PTPRO: variants seen among roughly 807,000 people sequenced by gnomAD.
The protein encoded by PTPRO is protein tyrosine phosphatase receptor type O.
A neutral mutation model predicts 145.2 loss-of-function variants in PTPRO; 62 were observed. The ratio of observed to expected loss-of-function variants is 0.43; its 90% CI spans 0.35 to 0.53. The LOEUF (loss-of-function observed/expected upper bound fraction) is 0.53. Ranked by LOEUF, PTPRO falls within the 20% of genes least tolerant of loss-of-function variation. The pLI is 0.01. For missense variants in PTPRO, 1,345 were observed against 1,482.7 expected, an observed-to-expected ratio of 0.91 and a Z score of 1.53; for synonymous variants, 565 against 514.7, an observed-to-expected ratio of 1.10 and a Z score of -1.32.
chr12:15,402,367 A>G (rs936491063), intron 1 of PTPRO, among the ~76,000 whole-genome samples: 3 of 151,922 alleles, frequency 2.0e-5, no homozygotes, highest in African/African-American at 7.3e-5. Context: ...CAGGCTGGAG[A>G]CAGAGCAAGA....
intron 12 of PTPRO, among the ~76,000 whole-genome samples, chr12:15,532,540 T>C (rs1942983188): frequency 1.3e-5 from 2 of 152,134 alleles, no homozygotes; most frequent in South Asian, 4.1e-4. Context: ...CTGTGACTAA[T>C]AAAAACATTC....
Position 15,597,307 on chromosome 12 carries a change from T to A in PTPRO, c.*1234T>A, listed in dbSNP as rs1324003362. The stretch of plus-strand genomic sequence containing the variant: ...AAGCCTGTTACTTTGTGTCACTTCC[T>A]GATAAATAAGAGGTGATGACATGGA... On this transcript the variant is annotated 3_prime_UTR_variant, in exon 27 of 27. Coordinates refer to ENST00000281171, the MANE Select transcript of PTPRO (RefSeq NM_030667.3). 4 of 152,218 alleles carry A rather than the reference T, an allele frequency of 2.6e-5. No homozygotes were observed. Among genetic ancestry groups the A allele is most frequent in the Admixed American group, 2.6e-4 (4 of 15,286 alleles). 9.4% of individuals were successfully genotyped at this position (152,218 alleles called of 1,614,324 possible).
intron 1 of PTPRO, among the ~76,000 whole-genome samples, chr12:15,423,285 T>G (rs1940195926): frequency 6.6e-6 from 1 of 152,198 alleles, no homozygotes; most frequent in African/African-American, 2.4e-5. Flanking sequence ...TGAGGTTTCT[T>G]GGAGTTTTTA....
chr12:15,543,033 A>T (rs930750123), intron 12 of PTPRO, among the ~76,000 whole-genome samples: 1 of 152,254 alleles, frequency 6.6e-6, no homozygotes, highest in Non-Finnish European at 1.5e-5. Context: ...TAATTATAAT[A>T]ACAATAAATT....
At chr12:15,512,722 G>A (rs1008461582) in intron 7 of PTPRO, among the ~76,000 whole-genome samples, 1 of 152,082 alleles carries the variant, frequency 6.6e-6, no homozygotes, top group African/African-American at 2.4e-5. Flanking sequence ...GGCCAGGCAC[G>A]GCGGTTCACG....
intron 1 of PTPRO, among the ~76,000 whole-genome samples, chr12:15,468,377 G>T (rs988596163): frequency 6.6e-6 from 1 of 152,014 alleles, no homozygotes; most frequent in South Asian, 2.1e-4. Flanking sequence ...TTTTTAGAAG[G>T]GTCTACAAAG....
intron 17 of PTPRO, among the ~76,000 whole-genome samples, chr12:15,564,107 T>A (rs748779279): frequency 6.6e-6 from 1 of 152,170 alleles, no homozygotes; most frequent in Admixed American, 6.5e-5. Flanking sequence ...AAAACTGGAC[T>A]GATTTTTCCC....
At chr12:15,329,216 C>T (rs1376774054) in intron 1 of PTPRO, among the ~76,000 whole-genome samples, 1 of 152,120 alleles carries the variant, frequency 6.6e-6, no homozygotes, top group Non-Finnish European at 1.5e-5. Context: ...ACCTTTAACC[C>T]GTATCAGAGA....
rs372311268 is a variant in PTPRO, at chr12:15,580,132, A to C, written c.2997+17A>C. 6.3e-7 allele frequency: 1 copy of C among 1,595,944 alleles called. No individual in the cohort carries two copies. The highest frequency in any genetic ancestry group is 1.7e-5 in the Admixed American group (1 of 59,984). On this transcript the variant is annotated intron_variant, in intron 21 of 26. Transcript: ENST00000281171. The stretch of plus-strand genomic sequence containing the variant: ...TATATTCCTGTAAGTAGAAAAAAAA[A>C]ATCAGGCATCCCAAAGCTAACCAGC...
intron 2 of PTPRO, among the ~76,000 whole-genome samples, chr12:15,494,725 CCTGT>C (rs778057273): frequency 2.3e-4 from 35 of 152,304 alleles, no homozygotes; most frequent in Non-Finnish European, 4.0e-4. Context: ...CTCTAATCCT[CCTGT>C]CTGTCTTGAA....
chr12:15,447,767 A>T (rs572696601), intron 1 of PTPRO, among the ~76,000 whole-genome samples: 6 of 152,242 alleles, frequency 3.9e-5, no homozygotes, highest in Admixed American at 3.9e-4. Flanking sequence ...TTTGAACAAA[A>T]AGGACAATTA....
At chr12:15,517,464 A>C (rs770870014) in intron 9 of PTPRO, among the ~76,000 whole-genome samples, 1 of 152,166 alleles carries the variant, frequency 6.6e-6, no homozygotes, top group Non-Finnish European at 1.5e-5. Context: ...ATGTCCTCAC[A>C]TTTCAAAACC....
Position 15,531,597 on chromosome 12 carries a change from C to CCTATAG in PTPRO, c.2164+5335_2164+5336insCTATAG, listed in dbSNP as rs1165792078. On this transcript the variant is annotated intron_variant, in intron 12 of 26. Coordinates refer to ENST00000281171, the MANE Select transcript of PTPRO (RefSeq NM_030667.3). ...TGCGGTATACATTTAGTTTCTGATA[C>CCTATAG]TTATAGGGAAACTCGAAGACAGTAT... is the stretch of plus-strand genomic sequence containing the variant. Among the ~76,000 whole-genome samples, 4 of 152,070 alleles carry CCTATAG rather than the reference C, an allele frequency of 2.6e-5. No individual in the cohort carries two copies. The East Asian group carries it at 7.7e-4, about 29-fold the overall frequency.
chr12:15,551,420 A>G, intron 14 of PTPRO, 131 bp from the exon 15 acceptor site: 1 of 1,200,110 alleles, frequency 8.3e-7, no homozygotes, highest in Non-Finnish European at 1.2e-6. Flanking sequence ...TGGCTTGGGG[A>G]ACATGATTGT....
chr12:15,556,295 G>A (rs1270853510), intron 15 of PTPRO, among the ~76,000 whole-genome samples: 1 of 152,036 alleles, frequency 6.6e-6, no homozygotes, highest in Non-Finnish European at 1.5e-5. Context: ...ATTGTTCTTG[G>A]AACACCTTAA....
intron 1 of PTPRO, among the ~76,000 whole-genome samples, chr12:15,358,724 C>T (rs929372610): frequency 4.6e-5 from 7 of 152,238 alleles, no homozygotes; most frequent in African/African-American, 1.7e-4. Context: ...CTGTGCCTCA[C>T]TTCATTGTAT....
chr12:15,587,636 A>G (rs1944457706), intron 24 of PTPRO, among the ~76,000 whole-genome samples: 1 of 152,266 alleles, frequency 6.6e-6, no homozygotes, highest in African/African-American at 2.4e-5. Context: ...TAAAAAAATC[A>G]AGGTCCACAC....
intron 1 of PTPRO, among the ~76,000 whole-genome samples, chr12:15,482,893 T>TGGGCA (rs1228585778): frequency 1.3e-5 from 2 of 152,118 alleles, no homozygotes; most frequent in Non-Finnish European, 2.9e-5. Flanking sequence ...CTGGTGACCA[T>TGGGCA]GGGCAAGTGA....
At chr12:15,555,888 A>T (rs1245776903) in intron 15 of PTPRO, among the ~76,000 whole-genome samples, 2 of 152,244 alleles carry the variant, frequency 1.3e-5, no homozygotes, top group Non-Finnish European at 2.9e-5. Context: ...CTTTTTAATT[A>T]GTATATTCAA....
Sources: allele counts gnomAD v4.1 joint callset (sites outside exome capture counted in the v4.1 genomes callset), GRCh38; gene constraint gnomAD v4.1.1; transcripts MANE v1.5; gene names NCBI Gene and HGNC (gene_info 2026-07-23, HGNC 2026-07-21).